Variants in DACH2 observed in about 807,000 individuals in gnomAD.
The protein encoded by DACH2 is dachshund homolog 2.
DACH2 carries 17 observed loss-of-function variants against 35.8 expected under a neutral mutation model. The ratio of observed to expected loss-of-function variants is 0.48; its 90% CI spans 0.33 to 0.71. The LOEUF (loss-of-function observed/expected upper bound fraction) is 0.71. Among genes scored for constraint, DACH2 ranks in the 30% least tolerant of loss-of-function variants. The pLI is 0.02. For missense variants in DACH2, 469 were observed against 472.7 expected (o/e 0.99, Z 0.07); for synonymous variants, 195 against 177.3 (o/e 1.10, Z -0.79).
chrX:86,610,426 C>CT (rs1313451736), intron 3 of DACH2, among the ~76,000 whole-genome samples: 1 of 66,585 alleles, frequency 1.5e-5, no homozygotes, highest in African/African-American at 7.2e-5. Flanking sequence ...TCTTTTCTTT[C>CT]TTTCTTTCTT....
intron 7 of DACH2, among the ~76,000 whole-genome samples, chrX:86,762,395 T>A (rs1005080387): frequency 9.0e-6 from 1 of 111,535 alleles, no homozygotes; most frequent in Non-Finnish European, 1.9e-5. Flanking sequence ...AATCTTCTGC[T>A]CATTAATGGG....
intron 6 of DACH2, among the ~76,000 whole-genome samples, chrX:86,721,854 G>T (rs945479958): frequency 5.4e-5 from 6 of 111,632 alleles, no homozygotes; most frequent in Non-Finnish European, 1.1e-4. Context: ...GGAGGAGAGA[G>T]AATGACTGCC....
intron 3 of DACH2, among the ~76,000 whole-genome samples, chrX:86,571,352 T>G (rs1299842896): frequency 9.1e-6 from 1 of 110,437 alleles, no homozygotes; most frequent in Non-Finnish European, 1.9e-5. Context: ...AACGTGCAGG[T>G]TTGTTACATA....
intron 1 of DACH2, among the ~76,000 whole-genome samples, chrX:86,288,429 C>T (rs998891337): frequency 2.3e-4 from 26 of 112,103 alleles, no homozygotes; most frequent in African/African-American, 8.4e-4. Flanking sequence ...GCTCTACAAT[C>T]AGCAGTAGAA....
chrX:86,340,105 T>A (rs2035387789), intron 1 of DACH2, among the ~76,000 whole-genome samples: 2 of 112,201 alleles, frequency 1.8e-5, no homozygotes, highest in African/African-American at 6.5e-5. Context: ...CTTTTTACGT[T>A]TGGCTTGGCT....
At chrX:86,445,820 G>T in intron 2 of DACH2, among the ~76,000 whole-genome samples, 1 of 110,941 alleles carries the variant, frequency 9.0e-6, no homozygotes, top group South Asian at 3.8e-4. Flanking sequence ...AGTTGAGAAG[G>T]TTGTATATTC....
chrX:86,728,056 T>G (rs905806565), intron 6 of DACH2, among the ~76,000 whole-genome samples: 2 of 112,232 alleles, frequency 1.8e-5, no homozygotes, highest in African/African-American at 6.5e-5. Flanking sequence ...ACTGATTAAA[T>G]GGTAGTGACC....
At chrX:86,525,551 G>T (rs1203710655) in intron 3 of DACH2, among the ~76,000 whole-genome samples, 1 of 111,551 alleles carries the variant, frequency 9.0e-6, no homozygotes. Context: ...GTTATAAATT[G>T]TTCCTTGTGA....
At chrX:86,522,398 C>G (rs998840865) in intron 3 of DACH2, among the ~76,000 whole-genome samples, 1 of 111,066 alleles carries the variant, frequency 9.0e-6, no homozygotes, top group African/African-American at 3.3e-5. Flanking sequence ...AGGTAAGTCC[C>G]TTAGGATCTA....
At chrX:86,550,595 A>G (rs16980607) in intron 3 of DACH2, among the ~76,000 whole-genome samples, 15,530 of 110,913 alleles carry the variant, frequency 0.14, 950 homozygotes, top group East Asian at 0.24. Context: ...TCAGGTTGTA[A>G]CAATCTGATG....
At chrX:86,782,679 G>T (rs1010435709) in intron 7 of DACH2, among the ~76,000 whole-genome samples, 2 of 111,721 alleles carry the variant, frequency 1.8e-5, no homozygotes, top group Non-Finnish European at 3.8e-5. Flanking sequence ...TCAATAAATG[G>T]TGTTGGGAAA....
chrX:86,817,578 A>T (rs2042466296), intron 11 of DACH2, among the ~76,000 whole-genome samples: 1 of 111,463 alleles, frequency 9.0e-6, no homozygotes, highest in Admixed American at 9.6e-5. Context: ...ATACACCACT[A>T]GTGAGTTTTA....
At chrX:86,707,287 A>G (rs2041226728) in intron 5 of DACH2, among the ~76,000 whole-genome samples, 2 of 111,968 alleles carry the variant, frequency 1.8e-5, no homozygotes, top group Non-Finnish European at 3.8e-5. Flanking sequence ...ACACAAGAAG[A>G]AACAGATAAT....
At chrX:86,597,779 T>A (rs1314128319) in intron 3 of DACH2, among the ~76,000 whole-genome samples, 1 of 111,986 alleles carries the variant, frequency 8.9e-6, no homozygotes, top group Non-Finnish European at 1.9e-5. Flanking sequence ...CGATCATTAT[T>A]AGAATTGTTT....
chrX:86,512,422 A>G (rs1363336657), intron 2 of DACH2, among the ~76,000 whole-genome samples: 2 of 111,488 alleles, frequency 1.8e-5, no homozygotes, highest in Non-Finnish European at 3.8e-5. Flanking sequence ...AGAATTGACC[A>G]AGAAATTTGG....
chrX:86,307,889 G>C (rs2034721264), intron 1 of DACH2, among the ~76,000 whole-genome samples: 1 of 111,914 alleles, frequency 8.9e-6, no homozygotes, highest in Non-Finnish European at 1.9e-5. Flanking sequence ...ATTGGATCAG[G>C]CAGAATTTAT....
intron 2 of DACH2, among the ~76,000 whole-genome samples, chrX:86,394,542 T>A (rs926448611): frequency 8.9e-6 from 1 of 111,755 alleles, no homozygotes; most frequent in Admixed American, 9.5e-5. Flanking sequence ...AGAGTATTTC[T>A]TTTGAAAAAT....
chrX:86,562,692 G>T (rs1456445259), intron 3 of DACH2, among the ~76,000 whole-genome samples: 4 of 111,468 alleles, frequency 3.6e-5, no homozygotes, highest in Non-Finnish European at 7.6e-5. Flanking sequence ...ATCCAAGAGA[G>T]TTTTAATCCA....
At chrX:86,728,810 T>A (rs942146758) in intron 6 of DACH2, among the ~76,000 whole-genome samples, 1 of 112,902 alleles carries the variant, frequency 8.9e-6, no homozygotes, top group Non-Finnish European at 1.9e-5. Flanking sequence ...CACAGAATGC[T>A]TGAGTGAATG....
Sources: allele counts gnomAD v4.1 joint callset (sites outside exome capture counted in the v4.1 genomes callset), GRCh38; gene constraint gnomAD v4.1.1; transcripts MANE v1.5; gene names NCBI Gene and HGNC (gene_info 2026-07-23, HGNC 2026-07-21).